ROBO2: variants seen among roughly 807,000 people sequenced by gnomAD.
The protein encoded by ROBO2 is roundabout guidance receptor 2.
A neutral mutation model predicts 160.8 loss-of-function variants in ROBO2; 53 were observed. The observed-to-expected ratio is 0.33, with a 90% CI of 0.26 to 0.41. The LOEUF (loss-of-function observed/expected upper bound fraction) is 0.41. Ranked by LOEUF, ROBO2 falls within the 10% of genes least tolerant of loss-of-function variation. The probability of loss-of-function intolerance (pLI) is 1.00; values close to 1 mark genes in which losing one functional copy is unlikely to be tolerated. For missense variants in ROBO2, 1,577 were observed against 1,722.4 expected (o/e 0.92, Z 1.49); for synonymous variants, 664 against 611.7 (o/e 1.09, Z -1.26).
chr3:77,284,390 G>A (rs143790977), intron 2 of ROBO2, among the ~76,000 whole-genome samples: 9 of 152,222 alleles, frequency 5.9e-5, no homozygotes, highest in Admixed American at 2.6e-4. Flanking sequence ...ATGTCCCTGC[G>A]TGTGGTAATA....
chr3:76,195,190 AT>A (rs1559630026), intron 2 of ROBO2, among the ~76,000 whole-genome samples: 1 of 152,326 alleles, frequency 6.6e-6, no homozygotes, highest in East Asian at 1.9e-4. Flanking sequence ...CACCTTGAGT[AT>A]TGGGGATATT....
At chr3:77,013,945 C>T (rs1013884492) in intron 2 of ROBO2, among the ~76,000 whole-genome samples, 1 of 152,160 alleles carries the variant, frequency 6.6e-6, no homozygotes, top group African/African-American at 2.4e-5. Context: ...TCATTTTCTT[C>T]ATTTTTCAGG....
chr3:76,636,459 G>A (rs551157594), intron 2 of ROBO2, among the ~76,000 whole-genome samples: 5 of 152,256 alleles, frequency 3.3e-5, no homozygotes, highest in South Asian at 2.1e-4. Context: ...AGAAGCTCAC[G>A]GAACCATAGC....
At chr3:76,646,500 T>G (rs2109802305) in intron 2 of ROBO2, among the ~76,000 whole-genome samples, 1 of 152,342 alleles carries the variant, frequency 6.6e-6, no homozygotes, top group South Asian at 2.1e-4. Context: ...ACTTAATTTC[T>G]GTAAGCCTTG....
chr3:77,269,612 G>GGT (rs1553879026), intron 2 of ROBO2, among the ~76,000 whole-genome samples: 1 of 109,080 alleles, frequency 9.2e-6, no homozygotes, highest in Non-Finnish European at 2.3e-5. Flanking sequence ...AGTTTTCCAA[G>GGT]ATGTGTGTGT....
At chr3:76,202,601 A>G (rs1003445686) in intron 2 of ROBO2, among the ~76,000 whole-genome samples, 1 of 152,172 alleles carries the variant, frequency 6.6e-6, no homozygotes, top group Non-Finnish European at 1.5e-5. Flanking sequence ...CTTTATAATT[A>G]CTGGTGAAAT....
upstream of ROBO2, among the ~76,000 whole-genome samples, chr3:77,036,515 G>A (rs1028888899): frequency 6.6e-6 from 1 of 152,028 alleles, no homozygotes; most frequent in Admixed American, 6.5e-5. Context: ...TTATACTTCT[G>A]CTGGAATACC....
chr3:76,464,484 C>A (rs1473399368), intron 2 of ROBO2, among the ~76,000 whole-genome samples: 1 of 151,902 alleles, frequency 6.6e-6, no homozygotes, highest in Non-Finnish European at 1.5e-5. Flanking sequence ...CCAAACCACT[C>A]TCTCTCTAGG....
At chr3:76,805,490 CAT>C (rs149575207) in intron 2 of ROBO2, among the ~76,000 whole-genome samples, 14 of 150,508 alleles carry the variant, frequency 9.3e-5, no homozygotes, top group African/African-American at 2.9e-4. Context: ...ATGTTCCCCC[CAT>C]ATATATATAT....
chr3:76,185,514 A>T (rs1245830979), intron 2 of ROBO2, among the ~76,000 whole-genome samples: 1 of 152,020 alleles, frequency 6.6e-6, no homozygotes, highest in Admixed American at 6.6e-5. Context: ...AATGGTCAGC[A>T]TGGGAAGAGA....
At chr3:76,357,911 A>T (rs1010526471) in intron 2 of ROBO2, among the ~76,000 whole-genome samples, 2 of 149,634 alleles carry the variant, frequency 1.3e-5, no homozygotes, top group Non-Finnish European at 3.0e-5. Context: ...TATATATATA[A>T]ATTTTAAATA....
intron 2 of ROBO2, among the ~76,000 whole-genome samples, chr3:76,719,159 A>G (rs1468765065): frequency 6.6e-6 from 1 of 152,176 alleles, no homozygotes; most frequent in Non-Finnish European, 1.5e-5. Context: ...GTTTTGCTCC[A>G]CCTAAATTAT....
chr3:75,931,313 A>G (rs1232751434), intron 1 of ROBO2, among the ~76,000 whole-genome samples: 3 of 152,216 alleles, frequency 2.0e-5, no homozygotes, highest in Non-Finnish European at 4.4e-5. Flanking sequence ...CTCACTTGAA[A>G]GAAGTAGTTA....
At chr3:76,279,360 A>G (rs1236111131) in intron 2 of ROBO2, among the ~76,000 whole-genome samples, 1 of 151,894 alleles carries the variant, frequency 6.6e-6, no homozygotes, top group Non-Finnish European at 1.5e-5. Flanking sequence ...TTCTGAAAAT[A>G]TAACTCCAAG....
At chr3:77,511,410 G>T (rs1366930462) in intron 5 of ROBO2, among the ~76,000 whole-genome samples, 1 of 151,984 alleles carries the variant, frequency 6.6e-6, no homozygotes, top group Non-Finnish European at 1.5e-5. Flanking sequence ...CTCCAAGGTG[G>T]TCAGTACCCA....
intron 2 of ROBO2, among the ~76,000 whole-genome samples, chr3:77,308,544 GATACTAGACATCA>G (rs1336464635): frequency 6.6e-6 from 1 of 152,068 alleles, no homozygotes; most frequent in African/African-American, 2.4e-5. Context: ...ATGGATGCTG[GATACTAGACATCA>G]ATACTAAAAT....
chr3:76,368,698 T>C (rs2108460504), intron 2 of ROBO2, among the ~76,000 whole-genome samples: 1 of 152,078 alleles, frequency 6.6e-6, no homozygotes, highest in South Asian at 2.1e-4. Context: ...ACGATTTCTC[T>C]TTTGCCATTT....
At chr3:76,753,882 A>G (rs1366389844) in intron 2 of ROBO2, among the ~76,000 whole-genome samples, 1 of 151,902 alleles carries the variant, frequency 6.6e-6, no homozygotes, top group African/African-American at 2.4e-5. Flanking sequence ...AGCTTGGTGA[A>G]CATTTTATGG....
rs149587341 is a variant in ROBO2, at chr3:76,186,666, C to A, written c.109+249064C>A. Among the ~76,000 whole-genome samples, 557 of 152,202 alleles carry A rather than the reference C, an allele frequency of 3.7e-3. 1 individual carries two copies. The highest frequency in any genetic ancestry group is 5.5e-3 in the Admixed American group (84 of 15,260). ...GTAAAGAAATATCCTCTAGTATATA[C>A]CATCTGCAATAATAAAAACATCTCT... On this transcript the variant is annotated intron_variant, in intron 2 of 26. Transcript: ENST00000487694.
Sources: allele counts gnomAD v4.1 joint callset (sites outside exome capture counted in the v4.1 genomes callset), GRCh38; gene constraint gnomAD v4.1.1; transcripts MANE v1.5; gene names NCBI Gene and HGNC (gene_info 2026-07-23, HGNC 2026-07-21).